CPAMD8: variants seen among roughly 807,000 people sequenced by gnomAD.
The protein encoded by CPAMD8 is C3 and PZP like alpha-2-macroglobulin domain containing 8, also known as C3 and PZP-like alpha-2-macroglobulin domain-containing protein 8.
In CPAMD8, 146 loss-of-function variants were observed where a neutral mutation model predicts 224.7. That is an observed-to-expected ratio of 0.65 (90% CI 0.57 to 0.75). The LOEUF (loss-of-function observed/expected upper bound fraction) is 0.75. CPAMD8 is among the 30% of genes least tolerant of loss of function. The pLI is 0.00. For missense variants in CPAMD8, 2,301 were observed against 2,537.5 expected, an observed-to-expected ratio of 0.91 and a Z score of 2.00; for synonymous variants, 966 against 1,044.6, an observed-to-expected ratio of 0.92 and a Z score of 1.45.
intron 23 of CPAMD8, among the ~76,000 whole-genome samples, chr19:16,930,577 C>T (rs1180474735): frequency 2.6e-5 from 4 of 152,078 alleles, no homozygotes; most frequent in East Asian, 1.9e-4. Context: ...AGCTGGGGGC[C>T]GGGAGTAGCT....
intron 22 of CPAMD8, among the ~76,000 whole-genome samples, chr19:16,940,993 C>T (rs925362912): frequency 6.6e-6 from 1 of 152,194 alleles, no homozygotes; most frequent in African/African-American, 2.4e-5. Flanking sequence ...TCCAGTGGCG[C>T]AGTCTCAGCT....
intron 18 of CPAMD8, among the ~76,000 whole-genome samples, chr19:16,967,942 C>CACACACATGTGTGTATAT (rs2054916812): frequency 7.9e-5 from 5 of 62,924 alleles, no homozygotes; most frequent in Admixed American, 3.3e-4. Context: ...TATATATATA[C>CACACACATGTGTGTATAT]ATGTTGCTCT....
At chr19:16,986,626 G>T (rs1021554335) in intron 13 of CPAMD8, among the ~76,000 whole-genome samples, 11 of 152,116 alleles carry the variant, frequency 7.2e-5, no homozygotes, top group African/African-American at 2.7e-4. Flanking sequence ...ATTCCTCCAA[G>T]CTGAACCCCA....
At chr19:16,904,677 C>A in intron 30 of CPAMD8, 125 bp from the exon 31 acceptor site, 1 of 700,390 alleles carries the variant, frequency 1.4e-6, no homozygotes, top group Non-Finnish European at 2.6e-6. Context: ...AGAAGAGTAT[C>A]AGGGGAAGAC....
At position 16,975,227 on chromosome 19, in the gene CPAMD8, G is replaced by A; in HGVS notation, c.1940C>T (p.Ser647Phe). The A allele has an allele frequency of 6.2e-7, 1 of 1,608,892 alleles. No individual in the cohort carries two copies. Among genetic ancestry groups the A allele is most frequent in the Non-Finnish European group, 8.5e-7 (1 of 1,177,526 alleles). ...CTCCCTGGACACGCCAAAGGAATCAGAAACATCATAATCTTCCAGTTCCTG... is the reference window on the plus strand; with the variant it reads ...CTCCCTGGACACGCCAAAGGAATCAAAAACATCATAATCTTCCAGTTCCTG... ...VFQELEDYDV[S>F]DSFGVSREDG... Residue 647 changes from serine to phenylalanine, a missense_variant, in exon 17 of 42, where the codon TCT becomes TTT. Physicochemically the swap from Ser to Phe is radical, Grantham distance 155. Transcript: ENST00000443236.
At position 16,928,064 on chromosome 19, in the gene CPAMD8, C is replaced by G. The variant is rs2053427713; in HGVS notation, c.3315G>C (p.Leu1105=). Residue 1105 remains leucine, a synonymous_variant, in exon 25 of 42, where the codon CTG becomes CTC. Coordinates refer to ENST00000443236, the MANE Select transcript of CPAMD8 (RefSeq NM_015692.5). ...CAGGGATGGCGCCGTGTGGGACCCC[C>G]AGGGTGAAGGCCTCGCTGTAGCTCT... ...VDESYSEAFT[L]GVPHGAIPGS... is the part of the protein sequence containing the mutation. 2 of 1,614,030 alleles carry G rather than the reference C, an allele frequency of 1.2e-6. No homozygotes were observed. The highest frequency in any genetic ancestry group is 1.7e-4 in the Middle Eastern group (1 of 6,058).
At chr19:16,990,650 G>A (rs564308062) in intron 12 of CPAMD8, among the ~76,000 whole-genome samples, 1 of 151,986 alleles carries the variant, frequency 6.6e-6, no homozygotes, top group South Asian at 2.1e-4. Context: ...AGATCACGAG[G>A]TCAGGAGATC....
At position 17,009,338 on chromosome 19, in the gene CPAMD8, A is replaced by G; in HGVS notation, c.487-18T>C. On this transcript the variant is annotated intron_variant, in intron 5 of 41. Transcript: ENST00000443236. Reference sequence around the variant, plus strand: ...GCTTCCAGCTGTAATGAAGACACAGATGCAGTGAGCAAATCTTCCAGCAAA... The same window carrying G: ...GCTTCCAGCTGTAATGAAGACACAGGTGCAGTGAGCAAATCTTCCAGCAAA... 1 of 1,614,086 alleles carries G rather than the reference A, an allele frequency of 6.2e-7. No homozygotes were observed. Among genetic ancestry groups the G allele is most frequent in the Non-Finnish European group, 8.5e-7 (1 of 1,179,960 alleles).
At chr19:16,920,552 G>A (rs2053132497) in intron 27 of CPAMD8, among the ~76,000 whole-genome samples, 1 of 151,034 alleles carries the variant, frequency 6.6e-6, no homozygotes, top group Admixed American at 6.6e-5. Context: ...TGCTGAGGAG[G>A]TGTGTGCACA....
At position 16,910,206 on chromosome 19, in the gene CPAMD8, G is replaced by C. The variant is rs560942639; in HGVS notation, c.3862-3089C>G. On this transcript the variant is annotated intron_variant, in intron 29 of 41. Coordinates refer to ENST00000443236, the MANE Select transcript of CPAMD8 (RefSeq NM_015692.5). ...TTTTTTGAGATGGAGTTTCACTCTT[G>C]TTGCCCATGCTGGAGTGCAATGGCG... 2.7e-5 allele frequency among the ~76,000 whole-genome samples: 4 copies of C among 148,990 alleles called. No individual in the cohort carries two copies. The East Asian group carries it at 7.9e-4, about 29-fold the overall frequency.
chr19:16,922,026 C>T (rs1599706160), intron 26 of CPAMD8, 40 bp from the exon 27 acceptor site: 3 of 1,453,596 alleles, frequency 2.1e-6, no homozygotes, highest in Non-Finnish European at 2.8e-6. Context: ...TGTTGAGTGG[C>T]CTGGCCCAGG....
chr19:16,908,991 G>C (rs1373270443), intron 29 of CPAMD8, among the ~76,000 whole-genome samples: 1 of 152,196 alleles, frequency 6.6e-6, no homozygotes, highest in East Asian at 1.9e-4. Context: ...GGCCCCAGCT[G>C]TGCAGATCCT....
chr19:16,922,604 T>A (rs2144907504), intron 26 of CPAMD8, among the ~76,000 whole-genome samples: 1 of 149,550 alleles, frequency 6.7e-6, no homozygotes, highest in East Asian at 2.0e-4. Flanking sequence ...CCACATCACA[T>A]CTAGAGTTCT....
intron 8 of CPAMD8, 23 bp downstream of exon 8, chr19:17,004,250 G>C (rs774751364): frequency 4.0e-6 from 6 of 1,500,478 alleles, no homozygotes; most frequent in Admixed American, 1.7e-5. Context: ...GAAATCCCAA[G>C]ACCCTGAGAT....
At chr19:16,987,580 A>C (rs1418720088) in intron 13 of CPAMD8, among the ~76,000 whole-genome samples, 1 of 152,190 alleles carries the variant, frequency 6.6e-6, no homozygotes, top group African/African-American at 2.4e-5. Context: ...GTAAGAATAC[A>C]GTATATCATG....
At position 16,947,241 on chromosome 19, in the gene CPAMD8, C is replaced by G. The variant is rs745756358; in HGVS notation, c.2509-14G>C. 5 of 1,603,252 alleles carry G rather than the reference C, an allele frequency of 3.1e-6. No individual in the cohort carries two copies. The South Asian group carries it at 5.6e-5, about 18-fold the overall frequency. On this transcript the variant is annotated splice_polypyrimidine_tract_variant and intron_variant, in intron 20 of 41. Coordinates refer to ENST00000443236, the MANE Select transcript of CPAMD8 (RefSeq NM_015692.5). Reference sequence around the variant, plus strand: ...CTTCATGTACACCTGCAGAGGGTGGCATTGGCTCATGGCGCCTGGAATCCA... The same window carrying G: ...CTTCATGTACACCTGCAGAGGGTGGGATTGGCTCATGGCGCCTGGAATCCA...
intron 27 of CPAMD8, among the ~76,000 whole-genome samples, chr19:16,920,206 G>A (rs533024685): frequency 3.9e-4 from 59 of 152,290 alleles, no homozygotes; most frequent in Admixed American, 1.0e-3. Context: ...TCAGCCATGC[G>A]CGGTGGCTCA....
At chr19:16,973,423 C>A (rs561806726) in intron 17 of CPAMD8, among the ~76,000 whole-genome samples, 1 of 152,192 alleles carries the variant, frequency 6.6e-6, no homozygotes, top group South Asian at 2.1e-4. Flanking sequence ...GTGGCGTGAT[C>A]ACTGTAACCT....
intron 17 of CPAMD8, among the ~76,000 whole-genome samples, chr19:16,973,779 T>C (rs28520302): frequency 0.31 from 47,297 of 151,020 alleles, 9,030 homozygotes; most frequent in African/African-American, 0.54. Flanking sequence ...TTTCTATCTA[T>C]ATCACATCAT....
Sources: gnomAD v4.1 joint callset for allele counts (sites outside exome capture counted in the v4.1 genomes callset) on GRCh38, gnomAD v4.1.1 for gene constraint, MANE v1.5 for transcripts, NCBI Gene and HGNC (gene_info 2026-07-23, HGNC 2026-07-21) for gene names.